RSPO3: variants seen among roughly 807,000 people sequenced by gnomAD.
The protein encoded by RSPO3 is R-spondin 3.
RSPO3 carries 17 observed loss-of-function variants against 36.5 expected under a neutral mutation model. That is an observed-to-expected ratio of 0.47 (90% CI 0.32 to 0.70). The LOEUF (loss-of-function observed/expected upper bound fraction) is 0.70. RSPO3 is among the 30% of genes least tolerant of loss of function. RSPO3 has a pLI of 0.04. For missense variants in RSPO3, 294 were observed against 322.5 expected (o/e 0.91, Z 0.68); for synonymous variants, 108 against 107.0 (o/e 1.01, Z -0.06).
Position 127,198,835 on chromosome 6 carries a change from T to C in RSPO3, c.*2828T>C, listed in dbSNP as rs796981472. Among the ~76,000 whole-genome samples the C allele has an allele frequency of 4.6e-5, 7 of 152,314 alleles. 1 individual carries two copies. The highest frequency in any genetic ancestry group is 1.7e-4 in the African/African-American group (7 of 41,576). ...TCACACTTTGTTTACTTCAGGGTGA[T>C]GTCCCTGAGTCCTCATTAGTGACTG... On this transcript the variant is annotated 3_prime_UTR_variant, in exon 5 of 5. Coordinates refer to ENST00000356698, the MANE Select transcript of RSPO3 (RefSeq NM_032784.5).
chr6:127,142,051 C>A (rs1342021759), intron 1 of RSPO3, among the ~76,000 whole-genome samples: 1 of 151,956 alleles, frequency 6.6e-6, no homozygotes, highest in Admixed American at 6.6e-5. Flanking sequence ...TCAAAAATGG[C>A]AGGGTCTGTA....
At chr6:127,176,316 G>C (rs1281995874) in intron 4 of RSPO3, among the ~76,000 whole-genome samples, 1 of 151,774 alleles carries the variant, frequency 6.6e-6, no homozygotes, top group African/African-American at 2.4e-5. Context: ...CATCTCCAGA[G>C]GTCATGCAAT....
intron 4 of RSPO3, among the ~76,000 whole-genome samples, chr6:127,170,805 C>T (rs1774920606): frequency 6.6e-6 from 1 of 151,572 alleles, no homozygotes; most frequent in Non-Finnish European, 1.5e-5. Flanking sequence ...TATGATTTTA[C>T]TTATATGAAG....
intron 1 of RSPO3, among the ~76,000 whole-genome samples, chr6:127,135,817 C>T (rs141577622): frequency 9.9e-5 from 15 of 151,730 alleles, no homozygotes; most frequent in African/African-American, 3.4e-4. Context: ...GTCTCAGCTA[C>T]TGTGGGGGCT....
In RSPO3 at chr6:127,196,148, T is replaced by A. The variant is rs921701784; in HGVS notation, c.*141T>A. The A allele has an allele frequency of 4.8e-5, 29 of 600,438 alleles. No homozygotes were observed. The Admixed American group carries it at 9.4e-4, about 20-fold the overall frequency. 37.2% of individuals were successfully genotyped at this position (600,438 alleles called of 1,614,324 possible). ...ACAACATTCCCAGTAGTTGCTATAT[T>A]CTTCATACAAGCATAGTTAACAACA... On this transcript the variant is annotated 3_prime_UTR_variant, in exon 5 of 5. Transcript: ENST00000356698.
In RSPO3 at chr6:127,197,362, T is replaced by A; in HGVS notation, c.*1355T>A. 6.5e-7 allele frequency: 1 copy of A among 1,539,558 alleles called. No individual in the cohort carries two copies. Among genetic ancestry groups the A allele is most frequent in the East Asian group, 2.5e-5 (1 of 40,798 alleles). The stretch of plus-strand genomic sequence containing the variant: ...TGGGCATCATTTCTTGTATGTCAGA[T>A]CCCCCTGCATCTTCAACATTTAGTC... On this transcript the variant is annotated 3_prime_UTR_variant, in exon 5 of 5. Coordinates refer to ENST00000356698, the MANE Select transcript of RSPO3 (RefSeq NM_032784.5).
At chr6:127,141,804 A>G (rs913446398) in intron 1 of RSPO3, among the ~76,000 whole-genome samples, 3 of 152,186 alleles carry the variant, frequency 2.0e-5, no homozygotes, top group African/African-American at 4.8e-5. Context: ...CGAAAGACCA[A>G]TAGAATTTGT....
intron 4 of RSPO3, among the ~76,000 whole-genome samples, chr6:127,156,063 TG>T: frequency 6.6e-6 from 1 of 152,246 alleles, no homozygotes; most frequent in African/African-American, 2.4e-5. Context: ...CCGCCATACC[TG>T]GCCAGTATAG....
chr6:127,155,031 GT>G (rs1463179412), intron 3 of RSPO3, among the ~76,000 whole-genome samples: 1 of 152,114 alleles, frequency 6.6e-6, no homozygotes, highest in Non-Finnish European at 1.5e-5. Context: ...GCAAAAATGA[GT>G]TTACCTGATA....
At chr6:127,160,696 C>T (rs1250177250) in intron 4 of RSPO3, among the ~76,000 whole-genome samples, 2 of 152,156 alleles carry the variant, frequency 1.3e-5, no homozygotes, top group African/African-American at 4.8e-5. Context: ...TGGGTGTTGC[C>T]ATGGCAATGG....
At position 127,119,107 on chromosome 6, in the gene RSPO3, A is replaced by G. The variant is rs1773780066; in HGVS notation, c.-86A>G. The G allele has an allele frequency of 1.0e-5, 11 of 1,066,156 alleles. No individual in the cohort carries two copies. The highest frequency in any genetic ancestry group is 2.5e-5 in the East Asian group (1 of 40,470). The allele number at this position is 1,066,156 out of a possible 1,614,324, so 66.0% of individuals were successfully genotyped here. A position where few individuals can be genotyped will look rare whatever the true frequency, so the allele number is the denominator to read the frequency against. On this transcript the variant is annotated 5_prime_UTR_variant, in exon 1 of 5. Transcript: ENST00000356698. Reference sequence around the variant, plus strand: ...GCTCGGGCACTGTCTATATACGCCTAACACCTACATATATTTTAAAAACAT... The same window carrying G: ...GCTCGGGCACTGTCTATATACGCCTGACACCTACATATATTTTAAAAACAT...
rs571241437 is a variant in RSPO3, at chr6:127,163,784, A to C, written c.634+8346A>C. ...ATGATAGTCCTTTTTCACCAAGCTCACTGTTCTGCCCTCTGTATTCTGCAG... is the reference window on the plus strand; with the variant it reads ...ATGATAGTCCTTTTTCACCAAGCTCCCTGTTCTGCCCTCTGTATTCTGCAG... On this transcript the variant is annotated intron_variant, in intron 4 of 4. Transcript: ENST00000356698. Among the ~76,000 whole-genome samples, 12 of 152,212 alleles carry C rather than the reference A, an allele frequency of 7.9e-5. No homozygotes were observed. In the East Asian group the frequency reaches 2.1e-3, roughly 27 times the overall value.
At chr6:127,165,055 C>T (rs1272168164) in intron 4 of RSPO3, among the ~76,000 whole-genome samples, 1 of 152,020 alleles carries the variant, frequency 6.6e-6, no homozygotes, top group East Asian at 1.9e-4. Flanking sequence ...CACAATGCCA[C>T]TTACTATTCA....
chr6:127,125,346 G>C (rs1446747860), intron 1 of RSPO3, among the ~76,000 whole-genome samples: 1 of 152,130 alleles, frequency 6.6e-6, no homozygotes, highest in Non-Finnish European at 1.5e-5. Context: ...GAGAAAGAAG[G>C]CTCCTTAGTG....
chr6:127,194,877 A>G (rs1419886381), intron 4 of RSPO3, among the ~76,000 whole-genome samples: 1 of 152,228 alleles, frequency 6.6e-6, no homozygotes, highest in Non-Finnish European at 1.5e-5. Context: ...TTTGCTGGAT[A>G]GAGACTCAAC....
At chr6:127,175,923 A>T (rs1453322034) in intron 4 of RSPO3, among the ~76,000 whole-genome samples, 2 of 151,906 alleles carry the variant, frequency 1.3e-5, no homozygotes, top group Non-Finnish European at 2.9e-5. Context: ...GATTCATCTT[A>T]AATTGTTTTC....
intron 1 of RSPO3, among the ~76,000 whole-genome samples, chr6:127,126,828 C>G (rs1180841083): frequency 2.0e-5 from 3 of 152,108 alleles, no homozygotes; most frequent in Admixed American, 1.3e-4. Flanking sequence ...AACATCCCCA[C>G]TGAGTAACTG....
rs889995259 is a variant in RSPO3, at chr6:127,148,009, T to G, written c.98-639T>G. Among the ~76,000 whole-genome samples the G allele has an allele frequency of 4.6e-5, 7 of 152,152 alleles. No individual in the cohort carries two copies. The East Asian group carries it at 1.3e-3, about 29-fold the overall frequency. On this transcript the variant is annotated intron_variant, in intron 1 of 4. Transcript: ENST00000356698. ...AGCTCGTGTGAGAAGAAATATTTAA[T>G]GAAGGAATTCTGGGGAGCTCAACAG...
In RSPO3 at chr6:127,177,815, G is replaced by A. The variant is rs1038346100; in HGVS notation, c.635-18008G>A. ...GTTTGTTTTTCCTCAAAAGTCAGTC[G>A]TAAATGCTCTTCAGGGAAGGGAGTC... On this transcript the variant is annotated intron_variant, in intron 4 of 4. Transcript: ENST00000356698. Among the ~76,000 whole-genome samples, 6 of 151,544 alleles carry A rather than the reference G, an allele frequency of 4.0e-5. No individual in the cohort carries two copies. In the South Asian group the frequency reaches 6.2e-4, roughly 16 times the overall value.
Sources: allele counts gnomAD v4.1 joint callset (sites outside exome capture counted in the v4.1 genomes callset), GRCh38; gene constraint gnomAD v4.1.1; transcripts MANE v1.5; gene names NCBI Gene and HGNC (gene_info 2026-07-23, HGNC 2026-07-21).